Variants in FBP1 observed in about 807,000 individuals in gnomAD.
FBP1 encodes fructose-1,6-bisphosphatase 1.
FBP1 carries 22 observed loss-of-function variants against 29.9 expected under a neutral mutation model. The observed-to-expected ratio is 0.74, with a 90% CI of 0.53 to 1.05. The LOEUF is 1.05. FBP1 is among the 50% of genes least tolerant of loss of function. The pLI, the probability that FBP1 is intolerant of heterozygous loss-of-function variation, is 0.00. For synonymous variants in FBP1, 175 were observed against 178.6 expected (o/e 0.98, Z 0.16); for missense variants, 345 against 448.2 (o/e 0.77, Z 2.08).
chr9:94,623,595 G>A (rs1012240462), intron 1 of FBP1, among the ~76,000 whole-genome samples: 1 of 152,268 alleles, frequency 6.6e-6, no homozygotes, highest in Non-Finnish European at 1.5e-5. Context: ...CACTGAGGCA[G>A]GTGCAGAAGG....
At chr9:94,619,398 G>C (rs1827909416) in intron 2 of FBP1, among the ~76,000 whole-genome samples, 1 of 151,964 alleles carries the variant, frequency 6.6e-6, no homozygotes, top group Admixed American at 6.6e-5. Flanking sequence ...CCATATAACT[G>C]CACTTCTAAT....
chr9:94,635,731 G>A (rs866199435), intron 1 of FBP1, among the ~76,000 whole-genome samples: 83 of 152,142 alleles, frequency 5.5e-4, no homozygotes, highest in African/African-American at 1.9e-3. Context: ...CAACAACCAG[G>A]CATGCACACC....
chr9:94,635,696 C>T (rs1828182216), intron 1 of FBP1, among the ~76,000 whole-genome samples: 1 of 152,182 alleles, frequency 6.6e-6, no homozygotes, highest in Admixed American at 6.5e-5. Context: ...CCTCAGTGTC[C>T]AGCATCTAGT....
chr9:94,621,526 C>T (rs2131491177), intron 1 of FBP1, among the ~76,000 whole-genome samples: 1 of 152,166 alleles, frequency 6.6e-6, no homozygotes, highest in East Asian at 1.9e-4. Flanking sequence ...TGTCATGGTG[C>T]CCTGCACACT....
In FBP1 at chr9:94,626,825, G is replaced by C. The variant is rs1828032251; in HGVS notation, c.171-6334C>G. ...CTCAGCACTTTGGGAAGCTAAGGCA[G>C]GCGGATTACCTGAGGTTCAGGATTT... is the stretch of plus-strand genomic sequence containing the variant. On this transcript the variant is annotated intron_variant, in intron 1 of 6. Transcript: ENST00000375326. Among the ~76,000 whole-genome samples, 3 of 152,272 alleles carry C rather than the reference G, an allele frequency of 2.0e-5. No homozygotes were observed. In the South Asian group the frequency reaches 6.2e-4, roughly 32 times the overall value.
Position 94,639,396 on chromosome 9 carries a change from ACTGGCCG to A in FBP1, c.-93_-87del. 1.4e-6 allele frequency: 2 copies of A among 1,468,122 alleles called. No homozygotes were observed. Among genetic ancestry groups the A allele is most frequent in the South Asian group, 2.4e-5 (2 of 82,568 alleles). The allele number at this position is 1,468,122 out of a possible 1,614,324, so 90.9% of individuals were successfully genotyped here. A position where few individuals can be genotyped will look rare whatever the true frequency, so the allele number is the denominator to read the frequency against. ...CGGGCGGCAAGAGAGGGCAGTAGGC[ACTGGCCG>A]CAGGTGCGGAGCTGCAGGTGCGGGC... On this transcript the variant is annotated 5_prime_UTR_variant, in exon 1 of 7. Coordinates refer to ENST00000375326, the MANE Select transcript of FBP1 (RefSeq NM_000507.4).
At chr9:94,607,071 C>G (rs1272396859) in intron 4 of FBP1, 119 bp from the exon 5 acceptor site, 4 of 1,387,506 alleles carry the variant, frequency 2.9e-6, no homozygotes, top group Non-Finnish European at 4.1e-6. Flanking sequence ...ACGGGCACCA[C>G]TCATCTTGGG....
At chr9:94,608,523 A>T (rs1827734364) in intron 4 of FBP1, among the ~76,000 whole-genome samples, 1 of 152,196 alleles carries the variant, frequency 6.6e-6, no homozygotes, top group African/African-American at 2.4e-5. Context: ...GGCCCGGCAA[A>T]TCACAGTCAG....
intron 6 of FBP1, among the ~76,000 whole-genome samples, chr9:94,604,657 A>ATG (rs1827669894): frequency 2.6e-5 from 4 of 152,054 alleles, no homozygotes; most frequent in Admixed American, 2.6e-4. Flanking sequence ...GGTGGCGGGC[A>ATG]CCTGTAATCC....
chr9:94,630,790 G>A (rs1828093777), intron 1 of FBP1, among the ~76,000 whole-genome samples: 1 of 151,960 alleles, frequency 6.6e-6, no homozygotes, highest in Non-Finnish European at 1.5e-5. Flanking sequence ...TACTGATGAT[G>A]TGACATCAAG....
rs5741695 is a variant in FBP1, at chr9:94,615,830, C to CTTT, written c.426+1935_426+1937dup. ...TAAAGTGCAAATTTGGGTCTCAGTT[C>CTTT]TTTTTTTTTTTTTTTGAGACGGAGT... On this transcript the variant is annotated intron_variant, in intron 3 of 6. Transcript: ENST00000375326. Among the ~76,000 whole-genome samples the CTTT allele has an allele frequency of 1.3e-3, 176 of 140,524 alleles. 2 individuals carry two copies. The highest frequency in any genetic ancestry group is 4.5e-3 in the African/African-American group (171 of 37,768). The allele number at this position is 140,524 out of a possible 152,430, so 92.2% of individuals were successfully genotyped here.
chr9:94,610,767 A>C (rs1827771792), intron 3 of FBP1, among the ~76,000 whole-genome samples: 1 of 152,056 alleles, frequency 6.6e-6, no homozygotes, highest in Non-Finnish European at 1.5e-5. Flanking sequence ...AACACAGCCC[A>C]CTGGGTCATG....
chr9:94,606,595 AGT>A (rs2131472642), intron 5 of FBP1, among the ~76,000 whole-genome samples: 1 of 152,354 alleles, frequency 6.6e-6, no homozygotes, highest in African/African-American at 2.4e-5. Flanking sequence ...TCGTGGGCTC[AGT>A]GTAGACGGAA....
chr9:94,612,589 G>A (rs1032120595), intron 3 of FBP1, among the ~76,000 whole-genome samples: 5 of 115,628 alleles, frequency 4.3e-5, no homozygotes, highest in African/African-American at 1.0e-4. Flanking sequence ...ACAGAGTCTT[G>A]CTCTATCGCC....
chr9:94,606,048 G>C (rs2131472210), intron 5 of FBP1, among the ~76,000 whole-genome samples: 1 of 152,282 alleles, frequency 6.6e-6, no homozygotes, highest in East Asian at 1.9e-4. Context: ...TGCGGAGCTT[G>C]GGGGCAGGAG....
chr9:94,620,297 T>G, intron 2 of FBP1, 32 bp downstream of exon 2: 11 of 1,612,116 alleles, frequency 6.8e-6, no homozygotes, highest in Non-Finnish European at 9.3e-6. Flanking sequence ...CCGGCTACAT[T>G]AAAACCCTCA....
intron 3 of FBP1, among the ~76,000 whole-genome samples, chr9:94,612,943 C>A (rs146046229): frequency 1.9e-4 from 29 of 152,280 alleles, no homozygotes; most frequent in Non-Finnish European, 3.8e-4. Context: ...GAGCACGGAG[C>A]ACTTGGCAAA....
chr9:94,639,757 C>T (rs1284350571), upstream of FBP1, among the ~76,000 whole-genome samples: 2 of 152,178 alleles, frequency 1.3e-5, no homozygotes, highest in African/African-American at 4.8e-5. Flanking sequence ...GCCCTCCACC[C>T]GCACTGTGGA....
chr9:94,624,723 G>C (rs1389481444), intron 1 of FBP1, among the ~76,000 whole-genome samples: 2 of 152,240 alleles, frequency 1.3e-5, no homozygotes, highest in Non-Finnish European at 2.9e-5. Context: ...AAGTCAGCTA[G>C]TAATGACTCC....
Sources: allele counts gnomAD v4.1 joint callset (sites outside exome capture counted in the v4.1 genomes callset), GRCh38; gene constraint gnomAD v4.1.1; transcripts MANE v1.5; gene names NCBI Gene and HGNC (gene_info 2026-07-23, HGNC 2026-07-21).